ATF7: variants seen among roughly 807,000 people sequenced by gnomAD.
The protein encoded by ATF7 is cyclic AMP-dependent transcription factor ATF-7.
A neutral mutation model predicts 50.4 loss-of-function variants in ATF7; 10 were observed. The ratio of observed to expected loss-of-function variants is 0.20; its 90% CI spans 0.12 to 0.34. ATF7 has a LOEUF of 0.34. ATF7 is among the 10% of genes least tolerant of loss of function. The pLI is 1.00. For missense variants in ATF7, 465 were observed against 613.9 expected, an observed-to-expected ratio of 0.76 and a Z score of 2.56; for synonymous variants, 201 against 226.4, an observed-to-expected ratio of 0.89 and a Z score of 1.01.
intron 1 of ATF7, among the ~76,000 whole-genome samples, chr12:53,614,555 T>C (rs1162861104): frequency 2.6e-5 from 4 of 152,326 alleles, no homozygotes; most frequent in Non-Finnish European, 5.9e-5. Context: ...TATTAAAGTA[T>C]AAGATTGGTT....
chr12:53,618,355 G>T (rs1488041486), intron 1 of ATF7, among the ~76,000 whole-genome samples: 1 of 152,194 alleles, frequency 6.6e-6, no homozygotes. Context: ...AGATGGATGA[G>T]AAGGTATCAA....
At chr12:53,601,103 C>G in intron 1 of ATF7, 82 bp from the exon 2 acceptor site, 5 of 1,033,476 alleles carry the variant, frequency 4.8e-6, no homozygotes, top group Non-Finnish European at 5.7e-6. Flanking sequence ...AAAATATCAA[C>G]CCTAGAAACA....
chr12:53,558,596 G>A (rs929863886), intron 2 of ATF7, among the ~76,000 whole-genome samples: 3 of 152,132 alleles, frequency 2.0e-5, no homozygotes, highest in African/African-American at 7.2e-5. Flanking sequence ...CTGTATTTGG[G>A]AGAACAGACT....
chr12:53,543,384 T>C lies in ATF7; in HGVS notation c.210A>G (p.Leu70=). 2 of 1,602,588 alleles carry C rather than the reference T, an allele frequency of 1.2e-6. No individual in the cohort carries two copies. The highest frequency in any genetic ancestry group is 1.7e-6 in the Non-Finnish European group (2 of 1,173,806). The part of the protein sequence containing the change: ...NCEEVGLFNE[L]ASSFEHEFKK... ...TGAATTCATGTTCAAAGGAGCTAGC[T>C]AGTTCATTGAAGAGTCCCACCTCCT... The change falls in exon 4 of 12, where the codon CTA becomes CTG. Residue 70 remains leucine (L), a synonymous_variant. Coordinates refer to ENST00000420353, the MANE Select transcript of ATF7 (RefSeq NM_006856.3).
chr12:53,604,161 G>A (rs1943510916), intron 1 of ATF7, among the ~76,000 whole-genome samples: 2 of 152,196 alleles, frequency 1.3e-5, no homozygotes, highest in African/African-American at 4.8e-5. Flanking sequence ...GAAGTGGGAT[G>A]CTTTCAGCAA....
rs1941758579 is a variant in ATF7, at chr12:53,571,476, C to A, written c.49-18839G>T. Among the ~76,000 whole-genome samples the A allele has an allele frequency of 3.3e-5, 5 of 151,634 alleles. No individual in the cohort carries two copies. The South Asian group carries it at 8.4e-4, about 25-fold the overall frequency. ...GGTGACAAACTCCAAGCAATTATACCCATAACCACAAACCACTGTAACCAG... is the reference window on the plus strand; with the variant it reads ...GGTGACAAACTCCAAGCAATTATACACATAACCACAAACCACTGTAACCAG... On this transcript the variant is annotated intron_variant, in intron 2 of 11. Transcript: ENST00000420353.
At chr12:53,528,592 G>A (rs1031642322) in intron 9 of ATF7, among the ~76,000 whole-genome samples, 2 of 151,934 alleles carry the variant, frequency 1.3e-5, no homozygotes, top group African/African-American at 2.4e-5. Flanking sequence ...GTGAAACCCC[G>A]TCTCTACTGA....
rs371745709 is a variant in ATF7 at position 53,524,722 on chromosome 12, G to A, written c.967C>T (p.Arg323Trp). 3.7e-6 allele frequency: 6 copies of A among 1,612,046 alleles called. No individual in the cohort carries two copies. Among genetic ancestry groups the A allele is most frequent in the South Asian group, 2.2e-5 (2 of 90,950 alleles). The change falls in exon 10 of 12, where the codon CGG (arginine) becomes TGG (tryptophan). Residue 323 changes from arginine (R) to tryptophan (W), a missense_variant. By Grantham distance (101) the Arg-to-Trp change is moderately radical. Transcript: ENST00000420353. This position sits in a 1 kb window ranked among gnomAD's most constrained non-coding sequence, Gnocchi z 4.6. ...AQPTPSTGGR[R>W]RRTVDEDPDE... The stretch of plus-strand genomic sequence containing the variant: ...GGATCTTCATCTACTGTGCGCCGCC[G>A]TCGCCCCCCAGTACTAGGGGTGGGC...
At chr12:53,570,174 T>C (rs1406196505) in intron 2 of ATF7, among the ~76,000 whole-genome samples, 1 of 152,196 alleles carries the variant, frequency 6.6e-6, no homozygotes, top group East Asian at 1.9e-4. Flanking sequence ...ACTAAGTCTC[T>C]CACCAGAGAC....
chr12:53,610,887 G>A lies in ATF7; in HGVS notation c.-21-9866C>T, dbSNP rs371135098. On this transcript the variant is annotated intron_variant, in intron 1 of 11. Transcript: ENST00000420353. ...CTGTCACCCAGGCTGGAGTACAGTGGCATGATCACAGTTCACTACAGCCTC... is the reference window on the plus strand; with the variant it reads ...CTGTCACCCAGGCTGGAGTACAGTGACATGATCACAGTTCACTACAGCCTC... Among the ~76,000 whole-genome samples the A allele has an allele frequency of 1.4e-4, 22 of 152,216 alleles. No individual in the cohort carries two copies. In the East Asian group the frequency reaches 2.7e-3, roughly 19 times the overall value.
chr12:53,578,783 C>CAA (rs10718181), intron 2 of ATF7, among the ~76,000 whole-genome samples: 20 of 106,662 alleles, frequency 1.9e-4, no homozygotes, highest in Middle Eastern at 5.2e-3. Context: ...GATGCTGTCT[C>CAA]AAAAAAAAAA....
At position 53,513,328 on chromosome 12, in the gene ATF7, T is replaced by TTA. The variant is rs1944187255; in HGVS notation, c.*3807_*3808dup. 6.6e-6 allele frequency: 1 copy of TTA among 152,120 alleles called. No homozygotes were observed. Among genetic ancestry groups the TTA allele is most frequent in the Non-Finnish European group, 1.5e-5 (1 of 68,026 alleles). The allele number at this position is 152,120 out of a possible 1,614,324, so 9.4% of individuals were successfully genotyped here. On this transcript the variant is annotated 3_prime_UTR_variant, in exon 12 of 12. Coordinates refer to ENST00000420353, the MANE Select transcript of ATF7 (RefSeq NM_006856.3). ...CCACCTTGGTATGGGGTGGGGGAAT[T>TTA]TATGTCTGTATGCACATTTGTGTGT...
intron 1 of ATF7, among the ~76,000 whole-genome samples, chr12:53,606,266 C>T (rs932005004): frequency 7.9e-5 from 12 of 151,294 alleles, no homozygotes; most frequent in East Asian, 7.7e-4. Context: ...TTTTTTGAGA[C>T]GGAGTTTCGC....
intron 11 of ATF7, among the ~76,000 whole-genome samples, chr12:53,519,008 T>A (rs1937918230): frequency 6.6e-6 from 1 of 150,940 alleles, no homozygotes; most frequent in South Asian, 2.1e-4. Context: ...GAGCCGAGAT[T>A]GTGCCACTGC....
chr12:53,574,246 AAG>A (rs1434189599), intron 2 of ATF7, among the ~76,000 whole-genome samples: 1 of 152,214 alleles, frequency 6.6e-6, no homozygotes, highest in Non-Finnish European at 1.5e-5. Context: ...AAGAATAAAA[AAG>A]AGAAACTTTT....
At chr12:53,552,160 T>G (rs2137503858) in intron 3 of ATF7, among the ~76,000 whole-genome samples, 1 of 152,332 alleles carries the variant, frequency 6.6e-6, no homozygotes. Flanking sequence ...GCAACCAGGC[T>G]AGATTGGCTT....
chr12:53,614,269 T>G (rs1173373530), intron 1 of ATF7, among the ~76,000 whole-genome samples: 1 of 152,164 alleles, frequency 6.6e-6, no homozygotes, highest in African/African-American at 2.4e-5. Flanking sequence ...GAAGCAAAGT[T>G]AGAAATAACT....
At chr12:53,583,464 T>C (rs1220675062) in intron 2 of ATF7, among the ~76,000 whole-genome samples, 3 of 151,520 alleles carry the variant, frequency 2.0e-5, no homozygotes, top group Non-Finnish European at 4.4e-5. Context: ...TTATGGTGAG[T>C]TGTATAATTA....
At chr12:53,589,015 T>C (rs1387984291) in intron 2 of ATF7, among the ~76,000 whole-genome samples, 1 of 152,174 alleles carries the variant, frequency 6.6e-6, no homozygotes, top group African/African-American at 2.4e-5. Context: ...GCTAGATATA[T>C]AGATCAGTAA....
Sources: allele counts gnomAD v4.1 joint callset (sites outside exome capture counted in the v4.1 genomes callset), GRCh38; gene constraint gnomAD v4.1.1; non-coding constraint Gnocchi (gnomAD v3.1); transcripts MANE v1.5; gene names NCBI Gene and HGNC (gene_info 2026-07-23, HGNC 2026-07-21).